The following IL16 variants were observed in gnomAD, a reference collection of about 807,000 sequenced individuals.
IL16 encodes interleukin 16.
In IL16, 67 loss-of-function variants were observed where a neutral mutation model predicts 110.1. The ratio of observed to expected loss-of-function variants is 0.61; its 90% CI spans 0.50 to 0.75. IL16 has a LOEUF of 0.75. Among genes scored for constraint, IL16 ranks in the 30% least tolerant of loss-of-function variants. The probability of loss-of-function intolerance (pLI) is 0.00; values close to 1 mark genes in which losing one functional copy is unlikely to be tolerated. For synonymous variants in IL16, 689 were observed against 662.9 expected (o/e 1.04, Z -0.61); for missense variants, 1,545 against 1,655.0 (o/e 0.93, Z 1.15).
rs1896760819 is a variant in IL16 at position 81,225,585 on chromosome 15, G to A, written c.186G>A (p.Gln62=). 1 of 1,614,150 alleles carries A rather than the reference G, an allele frequency of 6.2e-7. No individual in the cohort carries two copies. Among genetic ancestry groups the A allele is most frequent in the South Asian group, 1.1e-5 (1 of 91,074 alleles). Residue 62 remains glutamine (Q), a synonymous_variant, in exon 2 of 19, where the codon CAG becomes CAA. Coordinates refer to ENST00000683961, the MANE Select transcript of IL16 (RefSeq NM_172217.5). ...GKEGIFHSSV[Q]LADTSEAGPS... ...AGGGAATTTTCCACTCATCTGTGCA[G>A]CTGGCAGACACATCGGAGGCTGGGC...
upstream of IL16, among the ~76,000 whole-genome samples, chr15:81,193,406 AAGG>A (rs963199283): frequency 5.9e-5 from 9 of 152,094 alleles, no homozygotes; most frequent in East Asian, 1.9e-4. Flanking sequence ...GTCAGAATTC[AAGG>A]AGAAGTCCAG....
chr15:81,293,040 A>T lies in IL16; in HGVS notation c.1902+3A>T. On this transcript the variant is annotated splice_donor_region_variant and intron_variant, in intron 12 of 18. Transcript: ENST00000683961. Reference sequence around the variant, plus strand: ...ACACCCCACCCACCTGTGGCCAGGTAAGAGGATGGGTCCACAGGTTGAGTG... The same window carrying T: ...ACACCCCACCCACCTGTGGCCAGGTTAGAGGATGGGTCCACAGGTTGAGTG... 2 of 1,601,880 alleles carry T rather than the reference A, an allele frequency of 1.2e-6. No homozygotes were observed. Among genetic ancestry groups the T allele is most frequent in the Non-Finnish European group, 1.7e-6 (2 of 1,177,470 alleles).
intron 1 of IL16, among the ~76,000 whole-genome samples, chr15:81,199,955 G>C (rs1207923758): frequency 6.6e-6 from 1 of 152,178 alleles, no homozygotes; most frequent in African/African-American, 2.4e-5. Flanking sequence ...GGAGCTAAAT[G>C]AGGAATCAAA....
chr15:81,231,260 A>G (rs1012453209), intron 2 of IL16, among the ~76,000 whole-genome samples: 1 of 148,208 alleles, frequency 6.7e-6, no homozygotes, highest in Non-Finnish European at 1.5e-5. Flanking sequence ...AGGAAAGGAG[A>G]GGAGAGCTGA....
intron 2 of IL16, among the ~76,000 whole-genome samples, chr15:81,226,471 G>A (rs1209469288): frequency 6.6e-6 from 1 of 152,184 alleles, no homozygotes; most frequent in East Asian, 1.9e-4. Context: ...TGGGATCAGT[G>A]CTGCTAACGC....
rs902200722 is a variant in IL16 at position 81,308,856 on chromosome 15, C to T, written c.*58C>T. 4.1e-5 allele frequency: 59 copies of T among 1,441,348 alleles called. 1 individual carries two copies. The Admixed American group carries it at 8.0e-4, about 20-fold the overall frequency. The allele number at this position is 1,441,348 out of a possible 1,614,324, so 89.3% of individuals were successfully genotyped here. ...ACAGCTAACACACAGCTCCCATAACCGCTGATTCTCAGGGTCTCTGCTGCC... is the reference window on the plus strand; with the variant it reads ...ACAGCTAACACACAGCTCCCATAACTGCTGATTCTCAGGGTCTCTGCTGCC... On this transcript the variant is annotated 3_prime_UTR_variant, in exon 19 of 19. Coordinates refer to ENST00000683961, the MANE Select transcript of IL16 (RefSeq NM_172217.5).
At chr15:81,232,613 G>T (rs372644094) in intron 2 of IL16, among the ~76,000 whole-genome samples, 3 of 152,146 alleles carry the variant, frequency 2.0e-5, no homozygotes, top group Non-Finnish European at 4.4e-5. Context: ...TTATTGAGAT[G>T]CTCGTATGGA....
At chr15:81,264,181 C>T (rs1315896303) in intron 3 of IL16, among the ~76,000 whole-genome samples, 1 of 152,158 alleles carries the variant, frequency 6.6e-6, no homozygotes, top group Non-Finnish European at 1.5e-5. Flanking sequence ...CTCTTTGCAG[C>T]GTGTGGTTTT....
At chr15:81,296,746 G>T (rs1210992648) in intron 12 of IL16, among the ~76,000 whole-genome samples, 182 bp from the exon 13 acceptor site, 1 of 152,198 alleles carries the variant, frequency 6.6e-6, no homozygotes, top group African/African-American at 2.4e-5. Flanking sequence ...GCATGTCTAG[G>T]AGGTGCTGGC....
intron 1 of IL16, among the ~76,000 whole-genome samples, chr15:81,224,680 G>T (rs1896729558): frequency 6.6e-6 from 1 of 152,226 alleles, no homozygotes; most frequent in Non-Finnish European, 1.5e-5. Context: ...TGGCAGGTCA[G>T]TGTTAGGTAA....
intron 2 of IL16, among the ~76,000 whole-genome samples, chr15:81,256,040 T>C (rs6495554): frequency 0.24 from 37,158 of 152,066 alleles, 5,346 homozygotes; most frequent in African/African-American, 0.4. Context: ...AAAATAGTAT[T>C]CATAATCCCA....
At chr15:81,225,732 C>A (rs767811497) in intron 2 of IL16, 21 bp downstream of exon 2, 5 of 1,550,784 alleles carry the variant, frequency 3.2e-6, no homozygotes, top group Non-Finnish European at 4.4e-6. Context: ...GCTTTGCAGG[C>A]CTGAACTAGC....
chr15:81,232,052 T>TG (rs1278544863), intron 2 of IL16, among the ~76,000 whole-genome samples: 3 of 120,394 alleles, frequency 2.5e-5, no homozygotes, highest in Admixed American at 7.8e-5. Flanking sequence ...GTTTTTTTTT[T>TG]TTTTTTTTTT....
At chr15:81,301,936 CT>C (rs1311252502) in intron 15 of IL16, among the ~76,000 whole-genome samples, 1 of 152,238 alleles carries the variant, frequency 6.6e-6, no homozygotes, top group Non-Finnish European at 1.5e-5. Context: ...ATTATTTCCA[CT>C]GTGCATGGAG....
intron 1 of IL16, among the ~76,000 whole-genome samples, chr15:81,206,617 T>C (rs1896025878): frequency 6.6e-6 from 1 of 151,958 alleles, no homozygotes; most frequent in South Asian, 2.1e-4. Context: ...ATAAGACACA[T>C]CCTGTGGCAC....
chr15:81,250,886 G>C (rs1897745888), intron 2 of IL16, among the ~76,000 whole-genome samples: 2 of 152,010 alleles, frequency 1.3e-5, no homozygotes, highest in Admixed American at 6.6e-5. Context: ...ATCCTTTGGG[G>C]CTCCCTTTTT....
chr15:81,313,621 G>C lies in IL16; in HGVS notation c.*4823G>C. 2.8e-6 allele frequency: 1 copy of C among 361,006 alleles called. No homozygotes were observed. Among genetic ancestry groups the C allele is most frequent in the South Asian group, 1.3e-4 (1 of 7,978 alleles). The allele number at this position is 361,006 out of a possible 1,614,324, so 22.4% of individuals were successfully genotyped here. On this transcript the variant is annotated 3_prime_UTR_variant, in exon 19 of 19. Transcript: ENST00000683961. ...GGGGATGCATTCCACAGCCTCTCCC[G>C]GCCTCCAGGGAGGAAGAAGTCCCTA...
rs1219508765 is a variant in IL16, at chr15:81,300,387, G to A, written c.3061G>A (p.Gly1021Arg). The A allele has an allele frequency of 6.2e-7, 1 of 1,614,154 alleles. No individual in the cohort carries two copies. Among genetic ancestry groups the A allele is most frequent in the Non-Finnish European group, 8.5e-7 (1 of 1,180,022 alleles). ...CCAGACTCCCTGCATCCCCAAGGAA[G>A]GGGCATCTCCAACATCATCATCCAA... ...CAQTPCIPKEGASPTSSSNED... is the reference protein window; with the variant it reads ...CAQTPCIPKERASPTSSSNED... Residue 1021 changes from glycine (G) to arginine (R), a missense_variant, in exon 14 of 19, where the codon GGG becomes AGG. This residue lies in a region of IL16 where 356 missense variants were observed against 399.3 expected (regional missense o/e 0.89). Coordinates refer to ENST00000683961, the MANE Select transcript of IL16 (RefSeq NM_172217.5).
At chr15:81,269,866 A>G (rs1335541120) in intron 5 of IL16, among the ~76,000 whole-genome samples, 1 of 152,220 alleles carries the variant, frequency 6.6e-6, no homozygotes, top group African/African-American at 2.4e-5. Flanking sequence ...CTTGTAAAGG[A>G]TGCCAGTCCC....
Sources: allele counts gnomAD v4.1 joint callset (sites outside exome capture counted in the v4.1 genomes callset), GRCh38; gene constraint gnomAD v4.1.1; regional missense constraint gnomAD v4.1.1; transcripts MANE v1.5; gene names NCBI Gene and HGNC (gene_info 2026-07-23, HGNC 2026-07-21).